The following BTN1A1 variants were observed in gnomAD, a reference collection of about 807,000 sequenced individuals.
BTN1A1 encodes butyrophilin subfamily 1 member A1.
In BTN1A1, 26 loss-of-function variants were observed where a neutral mutation model predicts 33.1. The ratio of observed to expected loss-of-function variants is 0.79; its 90% confidence interval spans 0.58 to 1.09. The LOEUF is 1.09. Ranked by LOEUF, BTN1A1 falls within the 50% of genes least tolerant of loss-of-function variation. The pLI, the probability that BTN1A1 is intolerant of heterozygous loss-of-function variation, is 0.00. For missense variants in BTN1A1, 558 were observed against 655.7 expected (o/e 0.85, Z 1.63); for synonymous variants, 235 against 256.2 (o/e 0.92, Z 0.79).
chr6:26,508,803 T>C lies in BTN1A1; in HGVS notation c.1210T>C (p.Trp404Arg). 6.2e-7 allele frequency: 1 copy of C among 1,614,182 alleles called. No homozygotes were observed. Among genetic ancestry groups the C allele is most frequent in the Non-Finnish European group, 8.5e-7 (1 of 1,180,026 alleles). Reference protein sequence around the residue: ...WAVELYGNGYWALTPLRTPLP... With the variant: ...WAVELYGNGYRALTPLRTPLP... ...TGTAGAGTTGTATGGAAATGGGTAC[T>C]GGGCCCTCACTCCTCTCCGGACCCC... The change falls in exon 8 of 8, where the codon TGG becomes CGG. Residue 404 changes from tryptophan (W) to arginine (R), a missense_variant. By Grantham distance (101) the Trp-to-Arg change is moderately radical (BLOSUM62 -3). Transcript: ENST00000684113.
Position 26,509,014 on chromosome 6 carries a change from C to A in BTN1A1, c.1421C>A (p.Pro474Gln). ...SSGKKPLTIC[P>Q]IADGPERVTV... is the part of the protein sequence containing the mutation. ...GGTAAAAAGCCCCTGACCATCTGCCCAATTGCTGATGGGCCTGAGAGGGTC... is the reference window on the plus strand; with the variant it reads ...GGTAAAAAGCCCCTGACCATCTGCCAAATTGCTGATGGGCCTGAGAGGGTC... Residue 474 changes from proline (P) to glutamine (Q), a missense_variant, in exon 8 of 8, where the codon CCA becomes CAA. By Grantham distance (76) the Pro-to-Gln change is moderately conservative. Transcript: ENST00000684113. 6.2e-7 allele frequency: 1 copy of A among 1,614,186 alleles called. No homozygotes were observed. The highest frequency in any genetic ancestry group is 1.1e-5 in the South Asian group (1 of 91,084).
In BTN1A1 at chr6:26,508,519, C is replaced by A. The variant is rs557646919; in HGVS notation, c.926C>A (p.Pro309Gln). Reference protein sequence around the residue: ...TLHAVDVTLDPDTAHPHLFLY... With the variant: ...TLHAVDVTLDQDTAHPHLFLY... ...TCTCCAGTTGATGTGACTCTGGACC[C>A]AGACACAGCTCATCCCCACCTCTTT... The change falls in exon 8 of 8, where the codon CCA (proline) becomes CAA (glutamine). Residue 309 changes from proline (P) to glutamine (Q), a missense_variant. By Grantham distance (76) the Pro-to-Gln change is moderately conservative. Transcript: ENST00000684113. The A allele has an allele frequency of 2.5e-6, 4 of 1,613,112 alleles. No homozygotes were observed. The highest frequency in any genetic ancestry group is 2.7e-5 in the African/African-American group (2 of 75,038).
chr6:26,506,262 G>C (rs576275432), intron 4 of BTN1A1, among the ~76,000 whole-genome samples: 2 of 152,160 alleles, frequency 1.3e-5, no homozygotes, highest in African/African-American at 4.8e-5. Context: ...TTATTCCCCA[G>C]ATACTGTCTC....
At position 26,501,634 on chromosome 6, in the gene BTN1A1, G is replaced by A. The variant is rs1317876350; in HGVS notation, c.124G>A (p.Val42Met). ...ACCCCCGGAGCCCATCCTGGCCGTT[G>A]TGGGTGAGGACGCCGAGCTGCCCTG... ...IGPPEPILAV[V>M]GEDAELPCRL... The change falls in exon 3 of 8, where the codon GTG becomes ATG. Residue 42 changes from valine (V) to methionine (M), a missense_variant. Physicochemically the swap from Val to Met is conservative, Grantham distance 21. Coordinates refer to ENST00000684113, the MANE Select transcript of BTN1A1 (RefSeq NM_001732.3). The surrounding 1 kb of genome is among the most constrained non-coding windows in gnomAD (Gnocchi z 5.2). 6.2e-7 allele frequency: 1 copy of A among 1,613,842 alleles called. No individual in the cohort carries two copies. The highest frequency in any genetic ancestry group is 1.3e-5 in the African/African-American group (1 of 74,938).
rs1284969152 is a variant in BTN1A1 at position 26,501,097 on chromosome 6, G to A, written c.-57-133G>A. 1.6e-6 allele frequency: 1 copy of A among 615,446 alleles called. No homozygotes were observed. Among genetic ancestry groups the A allele is most frequent in the Non-Finnish European group, 2.9e-6 (1 of 342,600 alleles). The allele number at this position is 615,446 out of a possible 1,614,324, so 38.1% of individuals were successfully genotyped here. Reference sequence around the variant, plus strand: ...CAGTGTAAACTAAAAATCCATACTGGGGATGGAGGCTGAGAGGAGGTTTCA... The same window carrying A: ...CAGTGTAAACTAAAAATCCATACTGAGGATGGAGGCTGAGAGGAGGTTTCA... On this transcript the variant is annotated intron_variant, in intron 1 of 7. Coordinates refer to ENST00000684113, the MANE Select transcript of BTN1A1 (RefSeq NM_001732.3). This position sits in a 1 kb window ranked among gnomAD's most constrained non-coding sequence, Gnocchi z 5.2.
Position 26,506,801 on chromosome 6 carries a change from C to T in BTN1A1, c.828C>T (p.Pro276=). ...CTTGGAGACTATACAACGAAAGACC[C>T]AGAGAGAGGAGGAATGAATTCAGCT... is the stretch of plus-strand genomic sequence containing the variant. The part of the protein sequence containing the change: ...FFTWRLYNER[P]RERRNEFSSK... The change falls in exon 5 of 8, where the codon CCC becomes CCT. Residue 276 remains proline, a synonymous_variant. Transcript: ENST00000684113. The T allele has an allele frequency of 6.2e-7, 1 of 1,614,026 alleles. No homozygotes were observed. The highest frequency in any genetic ancestry group is 2.2e-5 in the East Asian group (1 of 44,876).
At chr6:26,502,718 T>A (rs1317207495) in intron 3 of BTN1A1, among the ~76,000 whole-genome samples, 2 of 152,204 alleles carry the variant, frequency 1.3e-5, no homozygotes, top group Non-Finnish European at 2.9e-5. Context: ...CCATTACACA[T>A]CTTATGGCTG....
intron 4 of BTN1A1, among the ~76,000 whole-genome samples, chr6:26,505,677 C>T (rs1300245160): frequency 7.9e-5 from 12 of 152,098 alleles, no homozygotes; most frequent in Admixed American, 4.6e-4. Flanking sequence ...CCACCTGCCT[C>T]GGCCTCCCAA....
In BTN1A1 at chr6:26,509,210, A is replaced by C; in HGVS notation, c.*36A>C. ...AGCTCATCTGTTTTCCTTTCCTCTAACCCCTCTCCTCCATAGCCTTCTGAG... is the reference window on the plus strand; with the variant it reads ...AGCTCATCTGTTTTCCTTTCCTCTACCCCCTCTCCTCCATAGCCTTCTGAG... On this transcript the variant is annotated 3_prime_UTR_variant, in exon 8 of 8. Transcript: ENST00000684113. 1 of 1,537,976 alleles carries C rather than the reference A, an allele frequency of 6.5e-7. No individual in the cohort carries two copies. Among genetic ancestry groups the C allele is most frequent in the Non-Finnish European group, 8.8e-7 (1 of 1,130,258 alleles).
At position 26,508,512 on chromosome 6, in the gene BTN1A1, C is replaced by A. The variant is rs1380415878; in HGVS notation, c.919C>A (p.Leu307Met). 1 of 1,612,170 alleles carries A rather than the reference C, an allele frequency of 6.2e-7. No individual in the cohort carries two copies. The highest frequency in any genetic ancestry group is 8.5e-7 in the Non-Finnish European group (1 of 1,178,946). The change falls in exon 8 of 8, where the codon CTG becomes ATG. Residue 307 changes from leucine to methionine, a missense_variant. Transcript: ENST00000684113. Reference sequence around the variant, plus strand: ...TTCTTTCTCTCCAGTTGATGTGACTCTGGACCCAGACACAGCTCATCCCCA... The same window carrying A: ...TTCTTTCTCTCCAGTTGATGTGACTATGGACCCAGACACAGCTCATCCCCA... The part of the protein sequence containing the change: ...KATLHAVDVT[L>M]DPDTAHPHLF...
At chr6:26,507,845 T>A in intron 5 of BTN1A1, 105 bp from the exon 6 acceptor site, 3 of 1,157,548 alleles carry the variant, frequency 2.6e-6, no homozygotes, top group Non-Finnish European at 2.5e-6. Context: ...ATTCAAATAG[T>A]CATGAATTAA....
chr6:26,509,327 G>A lies in BTN1A1; in HGVS notation c.*153G>A. The A allele has an allele frequency of 1.3e-6, 1 of 743,504 alleles. No individual in the cohort carries two copies. The highest frequency in any genetic ancestry group is 2.7e-5 in the East Asian group (1 of 36,826). The allele number at this position is 743,504 out of a possible 1,614,324, so 46.1% of individuals were successfully genotyped here. ...GGTTACATTGCTGCTGCTAGAGAGGGTGGGGATTGCACCTTCCAAATCTGT... is the reference window on the plus strand; with the variant it reads ...GGTTACATTGCTGCTGCTAGAGAGGATGGGGATTGCACCTTCCAAATCTGT... On this transcript the variant is annotated 3_prime_UTR_variant, in exon 8 of 8. Coordinates refer to ENST00000684113, the MANE Select transcript of BTN1A1 (RefSeq NM_001732.3).
Position 26,508,838 on chromosome 6 carries a change from G to A in BTN1A1, c.1245G>A (p.Leu415=). 2 of 1,614,166 alleles carry A rather than the reference G, an allele frequency of 1.2e-6. No homozygotes were observed. The highest frequency in any genetic ancestry group is 8.5e-7 in the Non-Finnish European group (1 of 1,180,020). ...ALTPLRTPLP[L]AGPPRRVGIF... Reference sequence around the variant, plus strand: ...CTCCTCTCCGGACCCCTCTCCCATTGGCAGGGCCCCCACGCCGGGTTGGGA... The same window carrying A: ...CTCCTCTCCGGACCCCTCTCCCATTAGCAGGGCCCCCACGCCGGGTTGGGA... Residue 415 remains leucine, a synonymous_variant, in exon 8 of 8, where the codon TTG becomes TTA. Coordinates refer to ENST00000684113, the MANE Select transcript of BTN1A1 (RefSeq NM_001732.3).
intron 5 of BTN1A1, 102 bp from the exon 6 acceptor site, chr6:26,507,848 T>A (rs2113894596): frequency 3.4e-6 from 4 of 1,182,364 alleles, no homozygotes; most frequent in Non-Finnish European, 4.9e-6. Flanking sequence ...CAAATAGTCA[T>A]GAATTAAACA....
rs968457954 is a variant in BTN1A1 at position 26,501,111 on chromosome 6, GA to G, written c.-57-118del. The G allele has an allele frequency of 5.9e-5, 37 of 630,696 alleles. No individual in the cohort carries two copies. In the African/African-American group the frequency reaches 6.0e-4, roughly 10 times the overall value. 39.1% of individuals were successfully genotyped at this position (630,696 alleles called of 1,614,324 possible). A position where few individuals can be genotyped will look rare whatever the true frequency, so the allele number is the denominator to read the frequency against. On this transcript the variant is annotated intron_variant, in intron 1 of 7. Coordinates refer to ENST00000684113, the MANE Select transcript of BTN1A1 (RefSeq NM_001732.3). This position sits in a 1 kb window ranked among gnomAD's most constrained non-coding sequence, Gnocchi z 5.2. Reference sequence around the variant, plus strand: ...AATCCATACTGGGGATGGAGGCTGAGAGGAGGTTTCAGGGGCAAATGACCAG... The same window carrying G: ...AATCCATACTGGGGATGGAGGCTGAGGGAGGTTTCAGGGGCAAATGACCAG...
chr6:26,504,874 G>C, intron 3 of BTN1A1, 51 bp from the exon 4 acceptor site: 1 of 1,564,236 alleles, frequency 6.4e-7, no homozygotes, highest in Non-Finnish European at 8.7e-7. Context: ...TGGTTATAAG[G>C]CTCCCAAAAG....
At chr6:26,503,598 C>T (rs1763830724) in intron 3 of BTN1A1, among the ~76,000 whole-genome samples, 1 of 150,272 alleles carries the variant, frequency 6.7e-6, no homozygotes, top group African/African-American at 2.4e-5. Flanking sequence ...AATATACAAA[C>T]ATATTGCCTT....
In BTN1A1 at chr6:26,509,384, G is replaced by A. The variant is rs1763915310; in HGVS notation, c.*210G>A. 1.8e-6 allele frequency: 1 copy of A among 554,784 alleles called. No homozygotes were observed. The highest frequency in any genetic ancestry group is 3.2e-6 in the Non-Finnish European group (1 of 315,780). 34.4% of individuals were successfully genotyped at this position (554,784 alleles called of 1,614,324 possible). On this transcript the variant is annotated 3_prime_UTR_variant, in exon 8 of 8. Coordinates refer to ENST00000684113, the MANE Select transcript of BTN1A1 (RefSeq NM_001732.3). ...ACCAATATTTGGGGGATGGAGGGGTGACTCAAACTGCTTCTAGTGTTCTCC... is the reference window on the plus strand; with the variant it reads ...ACCAATATTTGGGGGATGGAGGGGTAACTCAAACTGCTTCTAGTGTTCTCC...
chr6:26,501,983 T>C lies in BTN1A1; in HGVS notation c.427+46T>C. 6.6e-7 allele frequency: 1 copy of C among 1,514,630 alleles called. No homozygotes were observed. The highest frequency in any genetic ancestry group is 2.3e-5 in the East Asian group (1 of 44,012). The allele number at this position is 1,514,630 out of a possible 1,614,324, so 93.8% of individuals were successfully genotyped here. On this transcript the variant is annotated intron_variant, in intron 3 of 7. Coordinates refer to ENST00000684113, the MANE Select transcript of BTN1A1 (RefSeq NM_001732.3). The surrounding 1 kb of genome is among the most constrained non-coding windows in gnomAD (Gnocchi z 5.2). ...TTTCTCCGACGACTCCCCTGCTGTATACACTTTCGTATGGATCAGTTACTT... is the reference window on the plus strand; with the variant it reads ...TTTCTCCGACGACTCCCCTGCTGTACACACTTTCGTATGGATCAGTTACTT...
Sources: gnomAD v4.1 joint callset for allele counts (sites outside exome capture counted in the v4.1 genomes callset) on GRCh38, gnomAD v4.1.1 for gene constraint, Gnocchi (gnomAD v3.1) non-coding constraint, MANE v1.5 for transcripts, NCBI Gene and HGNC (gene_info 2026-07-23, HGNC 2026-07-21) for gene names.